The following ST8SIA3 variants were observed in gnomAD, a reference collection of about 807,000 sequenced individuals.
The protein encoded by ST8SIA3 is ST8 alpha-N-acetyl-neuraminide alpha-2,8-sialyltransferase 3, also known as alpha-N-acetylneuraminate alpha-2,8-sialyltransferase ST8SIA3.
ST8SIA3 carries 17 observed loss-of-function variants against 34.5 expected under a neutral mutation model. That is an observed-to-expected ratio of 0.49 (90% CI 0.34 to 0.74). ST8SIA3 has a LOEUF of 0.74. Among genes scored for constraint, ST8SIA3 ranks in the 30% least tolerant of loss-of-function variants. ST8SIA3 has a pLI of 0.01. For missense variants in ST8SIA3, 354 were observed against 467.8 expected, an observed-to-expected ratio of 0.76 and a Z score of 2.24; for synonymous variants, 172 against 176.1, an observed-to-expected ratio of 0.98 and a Z score of 0.19.
At position 57,354,490 on chromosome 18, in the gene ST8SIA3, T is replaced by G. The variant is rs141823109; in HGVS notation, c.268T>G (p.Trp90Gly). Residue 90 changes from tryptophan (W) to glycine (G), a missense_variant, in exon 2 of 4, where the codon TGG becomes GGG. Transcript: ENST00000324000. ...GGAACTCCAAGAGAAACCTTCTAAGTGGAAATTTAATCGGACAGCGTTTTT... is the reference window on the plus strand; with the variant it reads ...GGAACTCCAAGAGAAACCTTCTAAGGGGAAATTTAATCGGACAGCGTTTTT... ...TQELQEKPSKWKFNRTAFLHQ... is the reference protein window; with the variant it reads ...TQELQEKPSKGKFNRTAFLHQ... 25 of 1,614,124 alleles carry G rather than the reference T, an allele frequency of 1.5e-5. No homozygotes were observed. The highest frequency in any genetic ancestry group is 2.0e-5 in the Non-Finnish European group (24 of 1,180,010).
chr18:57,354,375 C>G, intron 1 of ST8SIA3, 27 bp from the exon 2 acceptor site: 1 of 1,613,544 alleles, frequency 6.2e-7, no homozygotes, highest in South Asian at 1.1e-5. Context: ...GGCCAGCACG[C>G]TTGTCTGTGC....
At chr18:57,355,139 G>A (rs186626606) in intron 2 of ST8SIA3, among the ~76,000 whole-genome samples, 7 of 152,178 alleles carry the variant, frequency 4.6e-5, no homozygotes, top group East Asian at 1.9e-4. Context: ...TAATTGTAGC[G>A]GTTTCATTTT....
chr18:57,359,891 T>G (rs2144205942), intron 3 of ST8SIA3, 104 bp from the exon 4 acceptor site: 1 of 984,184 alleles, frequency 1.0e-6, no homozygotes, highest in East Asian at 2.6e-5. Context: ...AAGCACTATT[T>G]AAGTTACAGT....
At position 57,367,355 on chromosome 18, in the gene ST8SIA3, T is replaced by C. The variant is rs1430924085; in HGVS notation, c.*7078T>C. On this transcript the variant is annotated 3_prime_UTR_variant, in exon 4 of 4. Transcript: ENST00000324000. ...GTTTCTCTACATTGAGCAAGCTACATTTTATTTTAAATGAGTCAGGTGCAT... is the reference window on the plus strand; with the variant it reads ...GTTTCTCTACATTGAGCAAGCTACACTTTATTTTAAATGAGTCAGGTGCAT... 6.6e-6 allele frequency: 1 copy of C among 152,598 alleles called. No homozygotes were observed. The highest frequency in any genetic ancestry group is 1.5e-5 in the Non-Finnish European group (1 of 68,048). 9.5% of individuals were successfully genotyped at this position (152,598 alleles called of 1,614,324 possible). A position where few individuals can be genotyped will look rare whatever the true frequency, so the allele number is the denominator to read the frequency against.
chr18:57,360,138 CA>C lies in ST8SIA3; in HGVS notation c.1005del (p.Tyr336ThrfsTer39). On this transcript the variant is annotated frameshift_variant, in exon 4 of 4. Transcript: ENST00000324000. LOFTEE classifies it high-confidence loss of function. ...GFDPNTREDL[P>X]YHYYDKKGTK... is the part of the protein sequence containing the mutation. ...GACCCCAACACAAGGGAAGATCTTC[CA>C]TACCATTACTATGACAAAAAAGGAA... 6.2e-7 allele frequency: 1 copy of C among 1,614,132 alleles called. No individual in the cohort carries two copies. Among genetic ancestry groups the C allele is most frequent in the Non-Finnish European group, 8.5e-7 (1 of 1,180,010 alleles).
Position 57,352,675 on chromosome 18 carries a change from C to CG in ST8SIA3, c.-170dup. On this transcript the variant is annotated 5_prime_UTR_variant, in exon 1 of 4. Coordinates refer to ENST00000324000, the MANE Select transcript of ST8SIA3 (RefSeq NM_015879.3). Reference sequence around the variant, plus strand: ...TCCTGCCAGCCCCAACCCCCGGCCCCGGTGGCCTCCCCCCACCCCCGCCCG... The same window carrying CG: ...TCCTGCCAGCCCCAACCCCCGGCCCCGGGTGGCCTCCCCCCACCCCCGCCCG... 7.7e-6 allele frequency: 3 copies of CG among 391,756 alleles called. No individual in the cohort carries two copies. Among genetic ancestry groups the CG allele is most frequent in the Non-Finnish European group, 1.0e-5 (2 of 199,862 alleles). 24.3% of individuals were successfully genotyped at this position (391,756 alleles called of 1,614,324 possible). A position where few individuals can be genotyped will look rare whatever the true frequency, so the allele number is the denominator to read the frequency against.
rs565203526 is a variant in ST8SIA3 at position 57,359,937 on chromosome 18, T to G, written c.861-58T>G. 1.2e-4 allele frequency: 177 copies of G among 1,473,002 alleles called. 2 individuals carry two copies. The African/African-American group carries it at 2.3e-3, about 19-fold the overall frequency. 91.2% of individuals were successfully genotyped at this position (1,473,002 alleles called of 1,614,324 possible). Reference sequence around the variant, plus strand: ...CTACCCAGCCCAGTCAGATAGACCTTGCTGATTGAAACTTTCAACGCTGAC... The same window carrying G: ...CTACCCAGCCCAGTCAGATAGACCTGGCTGATTGAAACTTTCAACGCTGAC... On this transcript the variant is annotated intron_variant, in intron 3 of 3. Transcript: ENST00000324000.
intron 1 of ST8SIA3, among the ~76,000 whole-genome samples, chr18:57,353,963 G>A (rs2049782215): frequency 6.6e-6 from 1 of 152,224 alleles, no homozygotes; most frequent in Non-Finnish European, 1.5e-5. Flanking sequence ...AAGAGGTTAA[G>A]GCAGGAACCA....
In ST8SIA3 at chr18:57,359,984, T is replaced by C. The variant is rs372077353; in HGVS notation, c.861-11T>C. ...TGACCTCTGAATCCAAATGTACTTA[T>C]TGTTCCACAGGTACTGGAAAAACAA... is the stretch of plus-strand genomic sequence containing the variant. On this transcript the variant is annotated splice_polypyrimidine_tract_variant and intron_variant, in intron 3 of 3. Coordinates refer to ENST00000324000, the MANE Select transcript of ST8SIA3 (RefSeq NM_015879.3). 2.3e-5 allele frequency: 37 copies of C among 1,607,442 alleles called. No homozygotes were observed. In the African/African-American group the frequency reaches 4.4e-4, roughly 19 times the overall value.
chr18:57,357,180 T>C lies in ST8SIA3; in HGVS notation c.570T>C (p.Asn190=), dbSNP rs565298848. 1 of 1,614,120 alleles carries C rather than the reference T, an allele frequency of 6.2e-7. No individual in the cohort carries two copies. The highest frequency in any genetic ancestry group is 2.2e-5 in the East Asian group (1 of 44,884). The change falls in exon 3 of 4, where the codon AAT becomes AAC. Residue 190 remains asparagine (N), a synonymous_variant. Coordinates refer to ENST00000324000, the MANE Select transcript of ST8SIA3 (RefSeq NM_015879.3). The stretch of plus-strand genomic sequence containing the variant: ...AATCAGATTTTGTTTTCCGTTGCAA[T>C]TTCGCCCCTACGGAGGCTTTCCAAA... ...IDKSDFVFRC[N]FAPTEAFQRD... is the part of the protein sequence containing the mutation.
Position 57,357,212 on chromosome 18 carries a change from T to C in ST8SIA3, c.602T>C (p.Val201Ala). The C allele has an allele frequency of 1.2e-6, 2 of 1,614,150 alleles. No homozygotes were observed. Among genetic ancestry groups the C allele is most frequent in the South Asian group, 1.1e-5 (1 of 91,080 alleles). ...FAPTEAFQRDVGRKTNLTTFN... is the reference protein window; with the variant it reads ...FAPTEAFQRDAGRKTNLTTFN... Reference sequence around the variant, plus strand: ...CCTACGGAGGCTTTCCAAAGAGATGTTGGAAGAAAAACCAATCTTACCACC... The same window carrying C: ...CCTACGGAGGCTTTCCAAAGAGATGCTGGAAGAAAAACCAATCTTACCACC... Residue 201 changes from valine to alanine, a missense_variant, in exon 3 of 4, where the codon GTT (valine) becomes GCT (alanine). Transcript: ENST00000324000.
chr18:57,353,048 G>GGTTGATGGGGTGTT, intron 1 of ST8SIA3, 23 bp downstream of exon 1: 2 of 1,596,890 alleles, frequency 1.3e-6, no homozygotes, highest in Non-Finnish European at 1.7e-6. Context: ...CTCTGTGTTA[G>GGTTGATGGGGTGTT]TGCCCTCGGG....
In ST8SIA3 at chr18:57,358,881, C is replaced by T. The variant is rs141750799; in HGVS notation, c.861-1114C>T. Among the ~76,000 whole-genome samples, 239 of 152,202 alleles carry T rather than the reference C, an allele frequency of 1.6e-3. 1 individual carries two copies. Among genetic ancestry groups the T allele is most frequent in the African/African-American group, 5.5e-3 (227 of 41,528 alleles). On this transcript the variant is annotated intron_variant, in intron 3 of 3. Coordinates refer to ENST00000324000, the MANE Select transcript of ST8SIA3 (RefSeq NM_015879.3). ...TTGTTCAATTTAAGTTTGTCTATAC[C>T]GAAAGGGTTGTCAGAGTCATTCTAG...
rs530512894 is a variant in ST8SIA3 at position 57,353,088 on chromosome 18, G to A, written c.179+63G>A. On this transcript the variant is annotated intron_variant, in intron 1 of 3. Coordinates refer to ENST00000324000, the MANE Select transcript of ST8SIA3 (RefSeq NM_015879.3). ...TGGTTGATGGGGTGTTTGGGGAAGG[G>A]AAGGCGTGGGGGAGGGGTGTTTTGG... 56 of 1,559,882 alleles carry A rather than the reference G, an allele frequency of 3.6e-5. No individual in the cohort carries two copies. The African/African-American group carries it at 3.9e-4, about 11-fold the overall frequency.
rs1381006447 is a variant in ST8SIA3, at chr18:57,366,569, C to T, written c.*6292C>T. The stretch of plus-strand genomic sequence containing the variant: ...AAAAAAAATACAGGTACCCACAAAA[C>T]AGTGCCTGCAAAGGAGCAGGGGAAG... On this transcript the variant is annotated 3_prime_UTR_variant, in exon 4 of 4. Coordinates refer to ENST00000324000, the MANE Select transcript of ST8SIA3 (RefSeq NM_015879.3). 1 of 152,172 alleles carries T rather than the reference C, an allele frequency of 6.6e-6. No individual in the cohort carries two copies. Among genetic ancestry groups the T allele is most frequent in the African/African-American group, 2.4e-5 (1 of 41,424 alleles). The allele number at this position is 152,172 out of a possible 1,614,324, so 9.4% of individuals were successfully genotyped here.
rs1199643677 is a variant in ST8SIA3, at chr18:57,363,819, T to C, written c.*3542T>C. On this transcript the variant is annotated 3_prime_UTR_variant, in exon 4 of 4. Coordinates refer to ENST00000324000, the MANE Select transcript of ST8SIA3 (RefSeq NM_015879.3). ...AGCTTCGCCAGTCTTGATTCTTGAC[T>C]TTACAAATGAGAAAATGGAGAAACA... is the stretch of plus-strand genomic sequence containing the variant. 6.6e-6 allele frequency: 1 copy of C among 152,196 alleles called. No individual in the cohort carries two copies. The highest frequency in any genetic ancestry group is 1.5e-5 in the Non-Finnish European group (1 of 68,044). 9.4% of individuals were successfully genotyped at this position (152,196 alleles called of 1,614,324 possible).
rs1290881968 is a variant in ST8SIA3 at position 57,367,427 on chromosome 18, A to G, written c.*7150A>G. 1 of 152,662 alleles carries G rather than the reference A, an allele frequency of 6.6e-6. No individual in the cohort carries two copies. The highest frequency in any genetic ancestry group is 1.5e-5 in the Non-Finnish European group (1 of 68,042). The allele number at this position is 152,662 out of a possible 1,614,324, so 9.5% of individuals were successfully genotyped here. On this transcript the variant is annotated 3_prime_UTR_variant, in exon 4 of 4. Transcript: ENST00000324000. ...ATACATTGCATGCAGCCTGAGCACA[A>G]GTATGCCTTCACCCTCTGGCTCTTT...
chr18:57,352,730 GCTCACA>G lies in ST8SIA3; in HGVS notation c.-115_-110del, dbSNP rs1204751177. 4 of 179,768 alleles carry G rather than the reference GCTCACA, an allele frequency of 2.2e-5. No homozygotes were observed. The highest frequency in any genetic ancestry group is 6.3e-5 in the South Asian group (2 of 31,982). 11.1% of individuals were successfully genotyped at this position (179,768 alleles called of 1,614,324 possible). On this transcript the variant is annotated 5_prime_UTR_variant, in exon 1 of 4. Transcript: ENST00000324000. ...CCCCTCCTCCGCCACACGCGCGCGC[GCTCACA>G]CACACACACACACACACACACACAC...
At position 57,360,241 on chromosome 18, in the gene ST8SIA3, A is replaced by G; in HGVS notation, c.1107A>G (p.Glu369=). 2 of 1,614,100 alleles carry G rather than the reference A, an allele frequency of 1.2e-6. No individual in the cohort carries two copies. The highest frequency in any genetic ancestry group is 1.3e-5 in the African/African-American group (1 of 75,060). ...EFQLLYRMHG[E]GLTKLTLSHC... is the part of the protein sequence containing the mutation. ...AGCTGCTGTACCGAATGCATGGGGA[A>G]GGGCTCACCAAGCTGACTCTGTCAC... The change falls in exon 4 of 4, where the codon GAA becomes GAG. Residue 369 remains glutamate (E), a synonymous_variant. Transcript: ENST00000324000.
Sources: allele counts gnomAD v4.1 joint callset (sites outside exome capture counted in the v4.1 genomes callset), GRCh38; gene constraint gnomAD v4.1.1; transcripts MANE v1.5; gene names NCBI Gene and HGNC (gene_info 2026-07-23, HGNC 2026-07-21).